PCSK6: variants seen among roughly 807,000 people sequenced by gnomAD.
The protein encoded by PCSK6 is paired basic amino acid cleaving enzyme 4.
Under a neutral mutation model 123.3 loss-of-function variants are expected in PCSK6, and 85 were observed. That is an observed-to-expected ratio of 0.69 (90% confidence interval 0.58 to 0.83). The LOEUF (loss-of-function observed/expected upper bound fraction) is 0.83, where lower values mean the gene tolerates loss of function less well. Ranked by LOEUF, PCSK6 falls within the 40% of genes least tolerant of loss-of-function variation. PCSK6 has a pLI of 0.00. For missense variants in PCSK6, 1,191 were observed against 1,282.3 expected (o/e 0.93, Z 1.09); for synonymous variants, 508 against 516.0 (o/e 0.98, Z 0.21).
chr15:101,446,602 G>T (rs2056896267), intron 1 of PCSK6, among the ~76,000 whole-genome samples: 1 of 152,170 alleles, frequency 6.6e-6, no homozygotes, highest in Admixed American at 6.5e-5. Context: ...GAGCTGAGTG[G>T]TTGCAACAGA....
chr15:101,396,582 G>A (rs1002352776), intron 7 of PCSK6, among the ~76,000 whole-genome samples: 3 of 151,990 alleles, frequency 2.0e-5, no homozygotes, highest in Non-Finnish European at 4.4e-5. Context: ...AGATCCAAGC[G>A]ATCTAGTGGG....
At position 101,305,763 on chromosome 15, in the gene PCSK6, C is replaced by G. The variant is rs1195678409; in HGVS notation, c.2813-408G>C. On this transcript the variant is annotated intron_variant, in intron 21 of 21. Transcript: ENST00000611716. The surrounding 1 kb of genome is among the most constrained non-coding windows in gnomAD (Gnocchi z 4.8). ...TATTGTTTCAATCATTCCACATATG[C>G]TGGGCATCAGTGGTGCCCTGGGCAA... 1.2e-5 allele frequency: 2 copies of G among 166,158 alleles called. No individual in the cohort carries two copies. Among genetic ancestry groups the G allele is most frequent in the Non-Finnish European group, 2.6e-5 (2 of 75,920 alleles). The allele number at this position is 166,158 out of a possible 1,614,324, so 10.3% of individuals were successfully genotyped here. A position where few individuals can be genotyped will look rare whatever the true frequency, so the allele number is the denominator to read the frequency against.
intron 7 of PCSK6, among the ~76,000 whole-genome samples, chr15:101,395,971 C>A (rs748176598): frequency 6.6e-6 from 1 of 152,116 alleles, no homozygotes; most frequent in Non-Finnish European, 1.5e-5. Context: ...CATCATCTAC[C>A]AAAGATAAAG....
intron 5 of PCSK6, among the ~76,000 whole-genome samples, chr15:101,428,396 G>A (rs2643349): frequency 6.6e-6 from 1 of 152,164 alleles, no homozygotes; most frequent in Non-Finnish European, 1.5e-5. Context: ...GACACCTGCT[G>A]CCTGGCAGGA....
At chr15:101,401,623 T>C (rs911573245) in intron 6 of PCSK6, among the ~76,000 whole-genome samples, 2 of 152,194 alleles carry the variant, frequency 1.3e-5, no homozygotes, top group African/African-American at 4.8e-5. Flanking sequence ...TCTGAAGTTC[T>C]CCCGTCTCGC....
At chr15:101,332,981 A>G (rs2040401640) in intron 13 of PCSK6, among the ~76,000 whole-genome samples, 1 of 152,248 alleles carries the variant, frequency 6.6e-6, no homozygotes. Flanking sequence ...TGCATTCAGT[A>G]CACTCCTAGA....
intron 6 of PCSK6, among the ~76,000 whole-genome samples, chr15:101,426,452 G>C (rs2056258433): frequency 6.6e-6 from 1 of 152,176 alleles, no homozygotes; most frequent in Non-Finnish European, 1.5e-5. Context: ...AAGGCTCCAG[G>C]GAGAACTTAT....
chr15:101,361,164 C>CTCTCT (rs1555448997), intron 13 of PCSK6, among the ~76,000 whole-genome samples: 2 of 80,686 alleles, frequency 2.5e-5, no homozygotes, highest in African/African-American at 7.9e-5. Flanking sequence ...CTTTCTCTCT[C>CTCTCT]TTTTTTTTTT....
At chr15:101,444,952 T>C (rs2056848770) in intron 1 of PCSK6, among the ~76,000 whole-genome samples, 1 of 152,210 alleles carries the variant, frequency 6.6e-6, no homozygotes, top group Admixed American at 6.5e-5. Flanking sequence ...CCTTCAGTTC[T>C]CCTTTCCGGC....
intron 1 of PCSK6, among the ~76,000 whole-genome samples, chr15:101,456,495 C>T (rs2057184649): frequency 6.6e-6 from 1 of 152,166 alleles, no homozygotes; most frequent in African/African-American, 2.4e-5. Context: ...CTGCTCGAGC[C>T]AGGTATTTTA....
Position 101,304,595 on chromosome 15 carries a change from A to C in PCSK6, c.*663T>G, listed in dbSNP as rs1014538850. 1 of 152,378 alleles carries C rather than the reference A, an allele frequency of 6.6e-6. No homozygotes were observed. The highest frequency in any genetic ancestry group is 6.5e-5 in the Admixed American group (1 of 15,304). The allele number at this position is 152,378 out of a possible 1,614,324, so 9.4% of individuals were successfully genotyped here. A position where few individuals can be genotyped will look rare whatever the true frequency, so the allele number is the denominator to read the frequency against. The stretch of plus-strand genomic sequence containing the variant: ...AACAAGGAGAGCTCGGCTTGCTCAA[A>C]GGAGAGCGCTGCGGGGGATAGAATC... On this transcript the variant is annotated 3_prime_UTR_variant, in exon 22 of 22. Coordinates refer to ENST00000611716, the MANE Select transcript of PCSK6 (RefSeq NM_002570.5).
At chr15:101,392,527 A>G (rs1346572953) in intron 8 of PCSK6, among the ~76,000 whole-genome samples, 1 of 151,290 alleles carries the variant, frequency 6.6e-6, no homozygotes, top group Non-Finnish European at 1.5e-5. Flanking sequence ...TAAAATGTCT[A>G]CAAGTCAACG....
Position 101,489,410 on chromosome 15 carries a change from G to C in PCSK6, c.261C>G (p.Arg87=). The C allele has an allele frequency of 7.8e-7, 1 of 1,279,716 alleles. No individual in the cohort carries two copies. The highest frequency in any genetic ancestry group is 1.0e-6 in the Non-Finnish European group (1 of 1,000,132). The allele number at this position is 1,279,716 out of a possible 1,614,324, so 79.3% of individuals were successfully genotyped here. A position where few individuals can be genotyped will look rare whatever the true frequency, so the allele number is the denominator to read the frequency against. The change falls in exon 1 of 22, where the codon CGC becomes CGG. Residue 87 remains arginine (R), a synonymous_variant. Coordinates refer to ENST00000611716, the MANE Select transcript of PCSK6 (RefSeq NM_002570.5). ...TGAGGTACCCGTGCGCCGCCGCCAC[G>C]CGGTCCGCCTCGGCCGGGCCGCCCA... The part of the protein sequence containing the change: ...QVLGGPAEAD[R]VAAAHGYLNL...
intron 9 of PCSK6, among the ~76,000 whole-genome samples, chr15:101,388,825 T>C (rs547191340): frequency 5.1e-4 from 78 of 152,272 alleles, no homozygotes; most frequent in African/African-American, 1.8e-3. Flanking sequence ...TGATTCCACT[T>C]ACATGAGGCA....
chr15:101,450,298 C>G (rs2057000845), intron 1 of PCSK6, among the ~76,000 whole-genome samples: 1 of 152,170 alleles, frequency 6.6e-6, no homozygotes, highest in African/African-American at 2.4e-5. Flanking sequence ...AGCCACAGGC[C>G]TGGCCCTGCC....
chr15:101,476,960 C>G (rs562137759), intron 1 of PCSK6, among the ~76,000 whole-genome samples: 1 of 152,148 alleles, frequency 6.6e-6, no homozygotes, highest in African/African-American at 2.4e-5. Flanking sequence ...GGACCCAGGG[C>G]ATGTGGGGCG....
chr15:101,473,153 CATAGCCCTG>C (rs1457096283), intron 1 of PCSK6, among the ~76,000 whole-genome samples: 1 of 152,226 alleles, frequency 6.6e-6, no homozygotes, highest in Non-Finnish European at 1.5e-5. Flanking sequence ...TAGCTCACTG[CATAGCCCTG>C]ACCTCCCAGG....
At chr15:101,387,480 G>C (rs2042099029) in intron 9 of PCSK6, among the ~76,000 whole-genome samples, 1 of 152,192 alleles carries the variant, frequency 6.6e-6, no homozygotes, top group Admixed American at 6.5e-5. Flanking sequence ...GAGAAAGTTA[G>C]GAACCATTTT....
At chr15:101,481,838 T>G (rs970405785) in intron 1 of PCSK6, among the ~76,000 whole-genome samples, 12 of 152,112 alleles carry the variant, frequency 7.9e-5, no homozygotes, top group Non-Finnish European at 4.4e-5. Context: ...GACTCAAATG[T>G]GTAGTTTGAG....
Sources: allele counts gnomAD v4.1 joint callset (sites outside exome capture counted in the v4.1 genomes callset), GRCh38; gene constraint gnomAD v4.1.1; non-coding constraint Gnocchi (gnomAD v3.1); transcripts MANE v1.5; gene names NCBI Gene and HGNC (gene_info 2026-07-23, HGNC 2026-07-21).